Variants in CORIN observed in about 807,000 individuals in gnomAD.
CORIN encodes the protein corin, serine peptidase.
In CORIN, 117 loss-of-function variants were observed where a neutral mutation model predicts 125.3. The observed-to-expected ratio is 0.93, with a 90% confidence interval of 0.80 to 1.09. The LOEUF is 1.09. CORIN is among the 50% of genes least tolerant of loss of function. The pLI is 0.00. For missense variants in CORIN, 1,253 were observed against 1,306.7 expected, an observed-to-expected ratio of 0.96 and a Z score of 0.63; for synonymous variants, 450 against 466.4, an observed-to-expected ratio of 0.96 and a Z score of 0.45.
At chr4:47,642,867 GTT>G in intron 15 of CORIN, 1 of 1,460,082 alleles carries the variant, frequency 6.8e-7, no homozygotes, top group Non-Finnish European at 9.0e-7. Flanking sequence ...TTAATGAAGA[GTT>G]TTTAAATCCT....
chr4:47,711,093 CTAAGAAGTCCCA>C (rs1375984850), intron 5 of CORIN, among the ~76,000 whole-genome samples: 1 of 152,104 alleles, frequency 6.6e-6, no homozygotes, highest in East Asian at 1.9e-4. Context: ...GAGAAGTCCC[CTAAGAAGTCCCA>C]CTGGCAGGGG....
At chr4:47,646,257 C>A (rs1723479686) in intron 13 of CORIN, among the ~76,000 whole-genome samples, 1 of 152,138 alleles carries the variant, frequency 6.6e-6, no homozygotes, top group Non-Finnish European at 1.5e-5. Context: ...TAATTTCATT[C>A]TACAAATCAG....
chr4:47,620,240 A>T (rs904901149), intron 19 of CORIN, among the ~76,000 whole-genome samples: 8 of 152,328 alleles, frequency 5.3e-5, no homozygotes, highest in Non-Finnish European at 1.2e-4. Flanking sequence ...CAAGAGTACT[A>T]ATAGGTGAGT....
At chr4:47,825,571 T>C (rs1010391738) in intron 1 of CORIN, among the ~76,000 whole-genome samples, 2 of 152,094 alleles carry the variant, frequency 1.3e-5, no homozygotes, top group African/African-American at 2.4e-5. Flanking sequence ...GAGTAACACT[T>C]GAATCCCACC....
intron 19 of CORIN, among the ~76,000 whole-genome samples, chr4:47,623,065 A>T (rs1722385388): frequency 1.0e-5 from 1 of 96,828 alleles, no homozygotes; most frequent in Non-Finnish European, 2.0e-5. Flanking sequence ...ATGGCATAAC[A>T]TAACCTCTCT....
chr4:47,774,163 T>C (rs977739853), intron 3 of CORIN, among the ~76,000 whole-genome samples: 8 of 152,202 alleles, frequency 5.3e-5, no homozygotes, highest in Non-Finnish European at 1.2e-4. Flanking sequence ...ATGATTTTTA[T>C]AGGTAGTTTT....
intron 5 of CORIN, among the ~76,000 whole-genome samples, chr4:47,740,702 T>C (rs768483397): frequency 5.3e-5 from 8 of 151,938 alleles, no homozygotes; most frequent in Non-Finnish European, 1.0e-4. Flanking sequence ...AGTTAAAGTA[T>C]GCACACTTCA....
chr4:47,704,117 TCTA>T (rs1422731983), intron 5 of CORIN, among the ~76,000 whole-genome samples: 1 of 152,188 alleles, frequency 6.6e-6, no homozygotes, highest in African/African-American at 2.4e-5. Flanking sequence ...CCTCCGCTTT[TCTA>T]CTACCGCATG....
intron 3 of CORIN, among the ~76,000 whole-genome samples, chr4:47,768,309 C>T (rs62299251): frequency 0.054 from 8,203 of 152,176 alleles, 310 homozygotes; most frequent in Non-Finnish European, 0.087. Context: ...TCTCTTCTCA[C>T]GGACTCAAGT....
chr4:47,755,652 T>C (rs752242313), intron 4 of CORIN, among the ~76,000 whole-genome samples: 3 of 152,310 alleles, frequency 2.0e-5, no homozygotes, highest in Middle Eastern at 3.4e-3. Flanking sequence ...GTTAATTTAG[T>C]ATCTGTTAGC....
intron 13 of CORIN, among the ~76,000 whole-genome samples, chr4:47,652,419 T>C (rs1006154858): frequency 1.3e-5 from 2 of 152,244 alleles, no homozygotes; most frequent in African/African-American, 2.4e-5. Context: ...AATGAAATTA[T>C]TTCAAAAGAT....
chr4:47,718,729 C>G (rs533853680), intron 5 of CORIN, among the ~76,000 whole-genome samples: 7 of 152,284 alleles, frequency 4.6e-5, no homozygotes, highest in African/African-American at 1.7e-4. Context: ...CTGAATTCAA[C>G]AGGTTGCTGG....
At chr4:47,652,592 T>C (rs1172643597) in intron 13 of CORIN, 3 of 152,220 alleles carry the variant, frequency 2.0e-5, no homozygotes, top group Non-Finnish European at 4.4e-5. Flanking sequence ...CCCTAATACA[T>C]TGTGGTTACA....
chr4:47,829,025 G>A (rs1216900755), intron 1 of CORIN, among the ~76,000 whole-genome samples: 3 of 151,914 alleles, frequency 2.0e-5, no homozygotes, highest in Non-Finnish European at 4.4e-5. Context: ...GGGCATGGTG[G>A]TGGGCGCCTG....
intron 19 of CORIN, 65 bp downstream of exon 19, chr4:47,623,506 T>G (rs1293299363): frequency 2.2e-5 from 34 of 1,545,174 alleles, no homozygotes; most frequent in Non-Finnish European, 2.6e-5. Flanking sequence ...CATATGCCAC[T>G]GAGAATTCCC....
At chr4:47,741,481 A>G (rs1478687452) in intron 5 of CORIN, among the ~76,000 whole-genome samples, 1 of 152,036 alleles carries the variant, frequency 6.6e-6, no homozygotes, top group Non-Finnish European at 1.5e-5. Context: ...TGTTTGTAGG[A>G]ATGGCATTTC....
At chr4:47,767,477 G>T (rs1392021785) in intron 3 of CORIN, among the ~76,000 whole-genome samples, 1 of 152,046 alleles carries the variant, frequency 6.6e-6, no homozygotes, top group African/African-American at 2.4e-5. Context: ...AACTGAAAAT[G>T]TCGCTCTGAA....
At chr4:47,836,238 T>A (rs772530064) in intron 1 of CORIN, among the ~76,000 whole-genome samples, 2 of 152,144 alleles carry the variant, frequency 1.3e-5, no homozygotes, top group Non-Finnish European at 2.9e-5. Flanking sequence ...GAGGACCAAT[T>A]TTTAGCACAA....
chr4:47,819,958 G>A (rs1207610321), intron 1 of CORIN, among the ~76,000 whole-genome samples: 1 of 152,094 alleles, frequency 6.6e-6, no homozygotes, highest in Non-Finnish European at 1.5e-5. Flanking sequence ...GACCATCCAG[G>A]GGGATCCTAA....
Sources: allele counts gnomAD v4.1 joint callset (sites outside exome capture counted in the v4.1 genomes callset), GRCh38; gene constraint gnomAD v4.1.1; transcripts MANE v1.5; gene names NCBI Gene and HGNC (gene_info 2026-07-23, HGNC 2026-07-21).